The following PLD5 variants were observed in gnomAD, a reference collection of about 807,000 sequenced individuals.
PLD5 encodes inactive phospholipase D5.
Under a neutral mutation model 61.1 loss-of-function variants are expected in PLD5, and 36 were observed. The ratio of observed to expected loss-of-function variants is 0.59; its 90% CI spans 0.45 to 0.78. PLD5 has a LOEUF of 0.78. Ranked by LOEUF, PLD5 falls within the 30% of genes least tolerant of loss-of-function variation. The pLI is 0.00. For missense variants in PLD5, 515 were observed against 644.4 expected, an observed-to-expected ratio of 0.80 and a Z score of 2.17; for synonymous variants, 243 against 242.8, an observed-to-expected ratio of 1.00 and a Z score of -0.01.
chr1:242,393,208 ATAT>A (rs755339229), intron 1 of PLD5, among the ~76,000 whole-genome samples: 1 of 90,086 alleles, frequency 1.1e-5, no homozygotes, highest in Non-Finnish European at 2.0e-5. Flanking sequence ...TCTCAAAAAA[ATAT>A]ATATATATAT....
intron 1 of PLD5, among the ~76,000 whole-genome samples, chr1:242,366,521 G>A (rs990485379): frequency 6.6e-6 from 1 of 152,126 alleles, no homozygotes; most frequent in Admixed American, 6.5e-5. Flanking sequence ...CCTTTTCAAG[G>A]AGTTGTATTT....
chr1:242,397,361 A>C (rs1663650921), intron 1 of PLD5, among the ~76,000 whole-genome samples: 1 of 144,818 alleles, frequency 6.9e-6, no homozygotes, highest in African/African-American at 2.6e-5. Context: ...TTTTTTCCTC[A>C]TATTTTCTGG....
chr1:242,514,228 C>T (rs1301653800), intron 1 of PLD5, among the ~76,000 whole-genome samples: 1 of 152,204 alleles, frequency 6.6e-6, no homozygotes, highest in Non-Finnish European at 1.5e-5. Context: ...ACTCTGTCCC[C>T]AGATATACTT....
At chr1:242,158,966 A>C (rs1363031681) in intron 5 of PLD5, among the ~76,000 whole-genome samples, 1 of 152,028 alleles carries the variant, frequency 6.6e-6, no homozygotes, top group Non-Finnish European at 1.5e-5. Flanking sequence ...ACTAAAATTA[A>C]GCATCAGTTT....
chr1:242,115,499 C>T (rs535130719), intron 6 of PLD5, among the ~76,000 whole-genome samples: 1 of 152,210 alleles, frequency 6.6e-6, no homozygotes, highest in African/African-American at 2.4e-5. Context: ...AGCACTCCAC[C>T]TCCAACCTTA....
chr1:242,223,354 T>C (rs557764774), intron 4 of PLD5, among the ~76,000 whole-genome samples: 1 of 152,294 alleles, frequency 6.6e-6, no homozygotes, highest in South Asian at 2.1e-4. Context: ...ATCTTTAAAA[T>C]GATCAGGATC....
intron 1 of PLD5, among the ~76,000 whole-genome samples, chr1:242,451,276 A>G (rs148671776): frequency 1.8e-4 from 27 of 152,246 alleles, no homozygotes; most frequent in African/African-American, 5.3e-4. Context: ...GAGTTCCCTG[A>G]CATCCTCAAC....
chr1:242,357,572 G>A lies in PLD5; in HGVS notation c.190-9330C>T, dbSNP rs1461269186. 1.1e-4 allele frequency among the ~76,000 whole-genome samples: 17 copies of A among 150,130 alleles called. No homozygotes were observed. The East Asian group carries it at 2.2e-3, about 19-fold the overall frequency. ...ATTATCTTGGCTCACTGCAACCTCCGCCTCCCAGGTTCAAGCGATTCTTCT... is the reference window on the plus strand; with the variant it reads ...ATTATCTTGGCTCACTGCAACCTCCACCTCCCAGGTTCAAGCGATTCTTCT... On this transcript the variant is annotated intron_variant, in intron 1 of 9. Coordinates refer to ENST00000536534, the MANE Select transcript of PLD5 (RefSeq NM_001372062.1).
At chr1:242,135,293 A>G (rs1247346784) in intron 5 of PLD5, among the ~76,000 whole-genome samples, 2 of 152,202 alleles carry the variant, frequency 1.3e-5, no homozygotes, top group East Asian at 3.8e-4. Context: ...TATTAACAGC[A>G]GCAATATTAT....
chr1:242,484,798 C>A (rs1245964724), intron 1 of PLD5, among the ~76,000 whole-genome samples: 2 of 152,072 alleles, frequency 1.3e-5, no homozygotes, highest in Non-Finnish European at 2.9e-5. Context: ...AACATCGATG[C>A]AAAAATCCTC....
At chr1:242,242,246 G>T (rs1672105596) in intron 4 of PLD5, among the ~76,000 whole-genome samples, 2 of 152,008 alleles carry the variant, frequency 1.3e-5, no homozygotes, top group South Asian at 4.1e-4. Flanking sequence ...TGTAATCTGA[G>T]TCTGTCTCAT....
intron 3 of PLD5, among the ~76,000 whole-genome samples, chr1:242,270,619 G>A (rs1292402167): frequency 6.6e-6 from 1 of 152,166 alleles, no homozygotes; most frequent in African/African-American, 2.4e-5. Context: ...AGCAGTGCTG[G>A]GGCTGAGGGA....
At chr1:242,490,530 T>C (rs1476546952) in intron 1 of PLD5, among the ~76,000 whole-genome samples, 3 of 152,214 alleles carry the variant, frequency 2.0e-5, no homozygotes, top group South Asian at 2.1e-4. Flanking sequence ...CTTAATAACA[T>C]ATATTTTTAA....
intron 2 of PLD5, among the ~76,000 whole-genome samples, chr1:242,346,615 A>C (rs147837584): frequency 6.4e-4 from 97 of 152,368 alleles, no homozygotes; most frequent in Non-Finnish European, 1.0e-3. Flanking sequence ...CAGTCTGAGA[A>C]GTAAATATAT....
intron 1 of PLD5, among the ~76,000 whole-genome samples, chr1:242,512,839 C>T (rs1040704828): frequency 1.3e-5 from 2 of 151,046 alleles, no homozygotes; most frequent in African/African-American, 4.9e-5. Context: ...TCATGCAAAC[C>T]TGAGGTTTCT....
intron 3 of PLD5, 150 bp downstream of exon 3, chr1:242,288,212 C>T: frequency 1.9e-6 from 2 of 1,046,118 alleles, no homozygotes; most frequent in South Asian, 1.9e-5. Context: ...AACAACGACA[C>T]ATCTACATAA....
At chr1:242,269,433 G>C (rs1161159469) in intron 3 of PLD5, among the ~76,000 whole-genome samples, 2 of 150,950 alleles carry the variant, frequency 1.3e-5, no homozygotes, top group Non-Finnish European at 2.9e-5. Flanking sequence ...GCTTAATGTA[G>C]GAGACCCTTC....
At position 242,086,544 on chromosome 1, in the gene PLD5, A is replaced by T. The variant is rs144794997; in HGVS notation, c.*3310T>A. On this transcript the variant is annotated 3_prime_UTR_variant, in exon 10 of 10. Coordinates refer to ENST00000536534, the MANE Select transcript of PLD5 (RefSeq NM_001372062.1). ...CAGTGACAATGCAGTGGAGGCCCAC[A>T]GTATTGATCTTTGATGGTGTGTGCA... is the stretch of plus-strand genomic sequence containing the variant. 6.6e-6 allele frequency: 1 copy of T among 152,276 alleles called. No individual in the cohort carries two copies. Among genetic ancestry groups the T allele is most frequent in the East Asian group, 1.9e-4 (1 of 5,182 alleles). 9.4% of individuals were successfully genotyped at this position (152,276 alleles called of 1,614,324 possible).
chr1:242,175,367 G>A (rs1009932533), intron 5 of PLD5, among the ~76,000 whole-genome samples: 1 of 152,126 alleles, frequency 6.6e-6, no homozygotes, highest in African/African-American at 2.4e-5. Context: ...TATCTCAATA[G>A]ATGCAGAAAA....
Sources: gnomAD v4.1 joint callset for allele counts (sites outside exome capture counted in the v4.1 genomes callset) on GRCh38, gnomAD v4.1.1 for gene constraint, MANE v1.5 for transcripts, NCBI Gene and HGNC (gene_info 2026-07-23, HGNC 2026-07-21) for gene names.